WDR64: variants seen among roughly 807,000 people sequenced by gnomAD.
WDR64 encodes WD repeat domain 64.
A neutral mutation model predicts 139.3 loss-of-function variants in WDR64; 112 were observed. That is an observed-to-expected ratio of 0.80 (90% CI 0.69 to 0.94). WDR64 has a LOEUF of 0.94. Among genes scored for constraint, WDR64 ranks in the 40% least tolerant of loss-of-function variants. The pLI is 0.00. For missense variants in WDR64, 1,206 were observed against 1,293.1 expected, an observed-to-expected ratio of 0.93 and a Z score of 1.03; for synonymous variants, 444 against 437.7, an observed-to-expected ratio of 1.01 and a Z score of -0.18.
At chr1:241,765,930 G>A (rs1658141643) in intron 15 of WDR64, among the ~76,000 whole-genome samples, 2 of 152,154 alleles carry the variant, frequency 1.3e-5, no homozygotes, top group South Asian at 4.2e-4. Context: ...CAAGTTTGAA[G>A]GGAAGAGGAA....
chr1:241,717,452 T>C (rs1232131164), intron 9 of WDR64, among the ~76,000 whole-genome samples: 1 of 152,122 alleles, frequency 6.6e-6, no homozygotes, highest in Admixed American at 6.6e-5. Context: ...TACTAGATGC[T>C]ATCTCTCTCC....
chr1:241,769,397 C>T lies in WDR64; in HGVS notation c.2082-7C>T. 6.5e-7 allele frequency: 1 copy of T among 1,550,274 alleles called. No homozygotes were observed. The highest frequency in any genetic ancestry group is 8.7e-7 in the Non-Finnish European group (1 of 1,146,098). ...TTTTTCTCATATAAATGTATACTTA[C>T]TTCTAGGTACCGACCTGAAGATTGC... On this transcript the variant is annotated splice_polypyrimidine_tract_variant and splice_region_variant and intron_variant, in intron 16 of 27. Coordinates refer to ENST00000437684, the MANE Select transcript of WDR64 (RefSeq NM_001367482.1).
chr1:241,709,338 G>A (rs183950515), intron 8 of WDR64, among the ~76,000 whole-genome samples: 1 of 152,272 alleles, frequency 6.6e-6, no homozygotes, highest in African/African-American at 2.4e-5. Context: ...TTGGGCAGCT[G>A]TGGCAAGAAT....
At chr1:241,663,747 A>G (rs1242567700) in intron 2 of WDR64, among the ~76,000 whole-genome samples, 1 of 152,268 alleles carries the variant, frequency 6.6e-6, no homozygotes, top group African/African-American at 2.4e-5. Flanking sequence ...TGCACTAGTT[A>G]CATTTCAAGT....
At chr1:241,784,976 A>AAAAAAAAAAAAAAAAAAAAACAAG (rs138513526) in intron 23 of WDR64, among the ~76,000 whole-genome samples, 1 of 98,410 alleles carries the variant, frequency 1.0e-5, no homozygotes, top group Non-Finnish European at 2.1e-5. Flanking sequence ...AAAAAAAAAA[A>AAAAAAAAAAAAAAAAAAAAACAAG]GAAAGGACAT....
chr1:241,727,991 A>C (rs1476367094), intron 10 of WDR64, among the ~76,000 whole-genome samples: 4 of 152,132 alleles, frequency 2.6e-5, no homozygotes, highest in African/African-American at 9.7e-5. Flanking sequence ...CAGGGGAACC[A>C]GCCCCGTGAA....
At chr1:241,752,245 A>G (rs192791067) in intron 14 of WDR64, among the ~76,000 whole-genome samples, 1 of 152,258 alleles carries the variant, frequency 6.6e-6, no homozygotes, top group East Asian at 1.9e-4. Context: ...ATAACATAAA[A>G]GATTTCACCA....
rs543260608 is a variant in WDR64, at chr1:241,743,943, G to A, written c.1471-450G>A. ...AGTCAGAACATTCCTAGGAAAGGTC[G>A]GTGAGCTCTTTCCTCAGGGTTCTTC... On this transcript the variant is annotated intron_variant, in intron 12 of 27. Coordinates refer to ENST00000437684, the MANE Select transcript of WDR64 (RefSeq NM_001367482.1). Among the ~76,000 whole-genome samples the A allele has an allele frequency of 7.9e-5, 12 of 152,174 alleles. No individual in the cohort carries two copies. In the South Asian group the frequency reaches 1.5e-3, roughly 18 times the overall value.
chr1:241,704,731 AG>A (rs371648176), intron 8 of WDR64, among the ~76,000 whole-genome samples: 4 of 152,194 alleles, frequency 2.6e-5, no homozygotes, highest in African/African-American at 9.6e-5. Context: ...TTAAGTAAAA[AG>A]GTTGTTAGAT....
rs930457087 is a variant in WDR64, at chr1:241,667,306, C to T, written c.277-3768C>T. 4.6e-5 allele frequency among the ~76,000 whole-genome samples: 7 copies of T among 152,132 alleles called. No homozygotes were observed. The South Asian group carries it at 6.2e-4, about 14-fold the overall frequency. On this transcript the variant is annotated intron_variant, in intron 2 of 27. Coordinates refer to ENST00000437684, the MANE Select transcript of WDR64 (RefSeq NM_001367482.1). ...CAATGTTTATCAATTGTCTACTTTG[C>T]GTAAGTCCTTTAAATTGTACCAAGT...
intron 26 of WDR64, 48 bp downstream of exon 26, chr1:241,795,335 TCTGCCA>T: frequency 1.3e-6 from 2 of 1,520,566 alleles, no homozygotes; most frequent in South Asian, 1.2e-5. Flanking sequence ...CAGTAGAGAA[TCTGCCA>T]TCTCATTCCT....
chr1:241,665,451 G>T (rs530143571), intron 2 of WDR64, among the ~76,000 whole-genome samples: 1 of 152,238 alleles, frequency 6.6e-6, no homozygotes, highest in East Asian at 1.9e-4. Flanking sequence ...ATAAAAACAC[G>T]ATTTATTCTT....
At chr1:241,743,200 C>G (rs1201257085) in intron 12 of WDR64, among the ~76,000 whole-genome samples, 1 of 152,066 alleles carries the variant, frequency 6.6e-6, no homozygotes, top group Non-Finnish European at 1.5e-5. Flanking sequence ...AAATGTCATC[C>G]CTGTGTGGGA....
chr1:241,723,269 A>G, intron 9 of WDR64, 28 bp from the exon 10 acceptor site: 1 of 1,612,498 alleles, frequency 6.2e-7, no homozygotes, highest in Non-Finnish European at 8.5e-7. Context: ...TCAGAAAACC[A>G]ACAATCTTTC....
intron 9 of WDR64, among the ~76,000 whole-genome samples, chr1:241,717,278 T>C (rs74752197): frequency 0.06 from 9,072 of 152,220 alleles, 425 homozygotes; most frequent in East Asian, 0.15. Flanking sequence ...CACATAATCA[T>C]GAAATTTTAG....
intron 8 of WDR64, among the ~76,000 whole-genome samples, chr1:241,710,945 T>C (rs1032232411): frequency 2.6e-5 from 4 of 152,110 alleles, no homozygotes; most frequent in African/African-American, 9.7e-5. Context: ...GAATGGGCAA[T>C]AGTGGAAGCA....
At chr1:241,667,347 A>G (rs1433946778) in intron 2 of WDR64, among the ~76,000 whole-genome samples, 1 of 152,182 alleles carries the variant, frequency 6.6e-6, no homozygotes, top group African/African-American at 2.4e-5. Context: ...TTATAAAATG[A>G]GGGTGTGACT....
At chr1:241,677,157 A>G (rs749778288) in intron 4 of WDR64, 20 of 392,152 alleles carry the variant, frequency 5.1e-5, no homozygotes, top group African/African-American at 3.1e-4. Context: ...ATCTTACCAA[A>G]GTAAGAAATT....
At chr1:241,753,976 C>T (rs938467815) in intron 14 of WDR64, among the ~76,000 whole-genome samples, 11 of 151,670 alleles carry the variant, frequency 7.3e-5, no homozygotes, top group South Asian at 2.1e-4. Flanking sequence ...AGTCACAGAC[C>T]GTGAAAAGAC....
Sources: gnomAD v4.1 joint callset for allele counts (sites outside exome capture counted in the v4.1 genomes callset) on GRCh38, gnomAD v4.1.1 for gene constraint, MANE v1.5 for transcripts, NCBI Gene and HGNC (gene_info 2026-07-23, HGNC 2026-07-21) for gene names.